TCERG1: variants seen among roughly 807,000 people sequenced by gnomAD.
TCERG1 encodes the protein transcription elongation regulator 1, also known as TATA box binding protein (TBP)-associated factor, RNA polymerase II, S, 150kD.
TCERG1 carries 37 observed loss-of-function variants against 144.7 expected under a neutral mutation model. The observed-to-expected ratio is 0.26, with a 90% confidence interval of 0.20 to 0.34. TCERG1 has a LOEUF of 0.34. TCERG1 is among the 10% of genes least tolerant of loss of function. The probability of loss-of-function intolerance (pLI) is 1.00; values close to 1 mark genes in which losing one functional copy is unlikely to be tolerated. For missense variants in TCERG1, 1,027 were observed against 1,380.7 expected (o/e 0.74, Z 4.06); for synonymous variants, 492 against 458.2 (o/e 1.07, Z -0.94).
At chr5:146,479,947 A>G in intron 11 of TCERG1, 36 bp downstream of exon 11, 1 of 1,610,902 alleles carries the variant, frequency 6.2e-7, no homozygotes, top group Non-Finnish European at 8.5e-7. Flanking sequence ...GCTTCTTTTT[A>G]ATACTATTAA....
intron 15 of TCERG1, among the ~76,000 whole-genome samples, chr5:146,490,725 A>C (rs1403911078): frequency 6.6e-6 from 1 of 152,162 alleles, no homozygotes; most frequent in Non-Finnish European, 1.5e-5. Context: ...TGTTACTTTA[A>C]AAAATTTGTT....
In TCERG1 at chr5:146,463,536, T is replaced by A; in HGVS notation, c.893-15T>A. ...ATGAAGGAGTGATACATGTTTTTGT[T>A]TTATCTTTTATCAGCACCCACAACA... On this transcript the variant is annotated splice_polypyrimidine_tract_variant and intron_variant, in intron 4 of 22. Coordinates refer to ENST00000679501, the MANE Select transcript of TCERG1 (RefSeq NM_001382548.1). 1 of 1,613,756 alleles carries A rather than the reference T, an allele frequency of 6.2e-7. No homozygotes were observed. The highest frequency in any genetic ancestry group is 8.5e-7 in the Non-Finnish European group (1 of 1,179,724).
intron 15 of TCERG1, among the ~76,000 whole-genome samples, chr5:146,491,525 C>T (rs572507787): frequency 7.3e-4 from 111 of 152,086 alleles, no homozygotes; most frequent in South Asian, 2.7e-3. Flanking sequence ...GTTGAGAACC[C>T]CTGGAGCCAA....
rs1450909095 is a variant in TCERG1, at chr5:146,503,284, C to G, written c.2434-91C>G. 3 of 1,291,320 alleles carry G rather than the reference C, an allele frequency of 2.3e-6. No homozygotes were observed. The African/African-American group carries it at 4.5e-5, about 19-fold the overall frequency. The allele number at this position is 1,291,320 out of a possible 1,614,324, so 80.0% of individuals were successfully genotyped here. A position where few individuals can be genotyped will look rare whatever the true frequency, so the allele number is the denominator to read the frequency against. ...TATTCTCATATTTAAGGTAGGTGAA[C>G]TTTTTTTCTAGTTGTAAATATTTAA... On this transcript the variant is annotated intron_variant, in intron 17 of 22. Transcript: ENST00000679501.
intron 8 of TCERG1, 86 bp from the exon 9 acceptor site, chr5:146,471,402 A>T (rs1764283386): frequency 2.5e-6 from 3 of 1,220,316 alleles, no homozygotes; most frequent in African/African-American, 3.0e-5. Context: ...TGTTGATTGC[A>T]CTTTGAGCTG....
intron 1 of TCERG1, among the ~76,000 whole-genome samples, chr5:146,452,810 T>C (rs546618871): frequency 3.9e-5 from 6 of 152,310 alleles, no homozygotes; most frequent in Middle Eastern, 3.4e-3. Context: ...CAGGTTGATG[T>C]TGAACTCCTG....
Position 146,476,912 on chromosome 5 carries a change from C to T in TCERG1, c.1602-1581C>T, listed in dbSNP as rs555284338. Among the ~76,000 whole-genome samples, 376 of 152,288 alleles carry T rather than the reference C, an allele frequency of 2.5e-3. 1 individual carries two copies. The highest frequency in any genetic ancestry group is 3.8e-3 in the Non-Finnish European group (261 of 68,022). ...GTGGGACTACAGGTGCATGCCATCA[C>T]GCCTGGATAATTTAAAATTTTTTAT... On this transcript the variant is annotated intron_variant, in intron 9 of 22. Transcript: ENST00000679501.
At chr5:146,490,647 G>T (rs1180722073) in intron 15 of TCERG1, among the ~76,000 whole-genome samples, 1 of 152,104 alleles carries the variant, frequency 6.6e-6, no homozygotes, top group East Asian at 1.9e-4. Flanking sequence ...AGGGTCTATT[G>T]TGCTCAGTAC....
intron 7 of TCERG1, among the ~76,000 whole-genome samples, chr5:146,470,001 G>A (rs989250984): frequency 1.9e-4 from 29 of 151,996 alleles, no homozygotes; most frequent in Non-Finnish European, 3.2e-4. Context: ...TTTACTGTTA[G>A]GAATTTTCTA....
intron 1 of TCERG1, among the ~76,000 whole-genome samples, chr5:146,453,595 T>C (rs750447247): frequency 2.0e-5 from 3 of 152,220 alleles, no homozygotes; most frequent in African/African-American, 7.2e-5. Context: ...GGCAATGCCC[T>C]GTATGGCATT....
intron 15 of TCERG1, among the ~76,000 whole-genome samples, chr5:146,485,865 T>C (rs185754700): frequency 6.6e-6 from 1 of 152,128 alleles, no homozygotes; most frequent in Non-Finnish European, 1.5e-5. Flanking sequence ...CGGCTAATTT[T>C]TCTATCTTTA....
chr5:146,472,768 C>T (rs1427360923), intron 9 of TCERG1, among the ~76,000 whole-genome samples: 3 of 150,564 alleles, frequency 2.0e-5, no homozygotes, highest in East Asian at 4.0e-4. Flanking sequence ...GGCTGGAGTG[C>T]AGTGGTGCGA....
chr5:146,489,649 C>CA (rs1766208595), intron 15 of TCERG1, among the ~76,000 whole-genome samples: 1 of 151,870 alleles, frequency 6.6e-6, no homozygotes, highest in East Asian at 1.9e-4. Context: ...TATCATGATC[C>CA]AAAAAATGGA....
chr5:146,467,168 C>T (rs1763870994), intron 5 of TCERG1, among the ~76,000 whole-genome samples: 2 of 151,958 alleles, frequency 1.3e-5, no homozygotes, highest in African/African-American at 4.8e-5. Flanking sequence ...AATAAAGGTA[C>T]TTTTCAATAA....
intron 1 of TCERG1, among the ~76,000 whole-genome samples, chr5:146,453,203 G>A (rs1762509538): frequency 6.6e-6 from 1 of 152,004 alleles, no homozygotes; most frequent in Non-Finnish European, 1.5e-5. Context: ...GAGGGGTGGT[G>A]GGGCAGTGTG....
At chr5:146,462,236 C>T (rs1763396299) in intron 4 of TCERG1, 1 of 152,554 alleles carries the variant, frequency 6.6e-6, no homozygotes, top group African/African-American at 2.4e-5. Context: ...AAATAGTGTG[C>T]TTTTGTTTAG....
intron 9 of TCERG1, among the ~76,000 whole-genome samples, chr5:146,475,087 A>T (rs763560742): frequency 6.6e-6 from 1 of 152,094 alleles, no homozygotes; most frequent in East Asian, 1.9e-4. Flanking sequence ...CAATCCACAC[A>T]TTGCAATGAT....
intron 5 of TCERG1, 64 bp downstream of exon 5, chr5:146,463,857 C>G: frequency 1.9e-6 from 3 of 1,599,988 alleles, no homozygotes; most frequent in Non-Finnish European, 2.6e-6. Context: ...AGTTTGTTCT[C>G]ATGTGTCTGT....
In TCERG1 at chr5:146,493,114, T is replaced by C. The variant is rs922142279; in HGVS notation, c.2282+76T>C. 6 of 1,135,520 alleles carry C rather than the reference T, an allele frequency of 5.3e-6. No homozygotes were observed. In the Admixed American group the frequency reaches 8.9e-5, roughly 17 times the overall value. The allele number at this position is 1,135,520 out of a possible 1,614,324, so 70.3% of individuals were successfully genotyped here. On this transcript the variant is annotated intron_variant, in intron 16 of 22. Transcript: ENST00000679501. ...GATCAGTTTTTAAAAATTAAAAAAATAGATATTTTTTGACTATTTGGGCAC... is the reference window on the plus strand; with the variant it reads ...GATCAGTTTTTAAAAATTAAAAAAACAGATATTTTTTGACTATTTGGGCAC...
Sources: allele counts gnomAD v4.1 joint callset (sites outside exome capture counted in the v4.1 genomes callset), GRCh38; gene constraint gnomAD v4.1.1; transcripts MANE v1.5; gene names NCBI Gene and HGNC (gene_info 2026-07-23, HGNC 2026-07-21).